LIPC: variants seen among roughly 807,000 people sequenced by gnomAD.
The protein encoded by LIPC is lipase C, hepatic type.
A neutral mutation model predicts 50.7 loss-of-function variants in LIPC; 44 were observed. The ratio of observed to expected loss-of-function variants is 0.87; its 90% CI spans 0.68 to 1.11. LIPC has a LOEUF of 1.11. LIPC is among the 50% of genes most tolerant of loss of function. The pLI is 0.00. For missense variants in LIPC, 697 were observed against 648.2 expected (o/e 1.08, Z -0.82); for synonymous variants, 271 against 256.4 (o/e 1.06, Z -0.54).
intron 1 of LIPC, among the ~76,000 whole-genome samples, chr15:58,492,849 C>T (rs1891631236): frequency 6.6e-6 from 1 of 152,314 alleles, no homozygotes; most frequent in South Asian, 2.1e-4. Flanking sequence ...ATTCACAGAG[C>T]CTTTTCCTCC....
At chr15:58,445,983 GT>G (rs1893681481) in intron 1 of LIPC, among the ~76,000 whole-genome samples, 1 of 152,198 alleles carries the variant, frequency 6.6e-6, no homozygotes, top group African/African-American at 2.4e-5. Flanking sequence ...ACAGAAAGAA[GT>G]TTAAAGGATA....
At chr15:58,514,365 T>A (rs1892423003) in intron 1 of LIPC, among the ~76,000 whole-genome samples, 2 of 152,192 alleles carry the variant, frequency 1.3e-5, no homozygotes, top group African/African-American at 4.8e-5. Flanking sequence ...GTAGTAGAAG[T>A]AGTAGTAGTA....
chr15:58,558,799 T>C (rs930357383), intron 6 of LIPC, among the ~76,000 whole-genome samples: 1 of 152,208 alleles, frequency 6.6e-6, no homozygotes, highest in Non-Finnish European at 1.5e-5. Flanking sequence ...AGGCACCAGA[T>C]ACTACCTGAG....
chr15:58,441,502 A>G (rs1893507322), intron 1 of LIPC, among the ~76,000 whole-genome samples: 1 of 152,222 alleles, frequency 6.6e-6, no homozygotes, highest in Non-Finnish European at 1.5e-5. Context: ...AGGAATTCTT[A>G]TTCCCATTTT....
chr15:58,533,631 T>G (rs528482856), intron 1 of LIPC, among the ~76,000 whole-genome samples: 33 of 152,288 alleles, frequency 2.2e-4, no homozygotes, highest in African/African-American at 7.7e-4. Context: ...TTTTGAAGAA[T>G]TTTTGATGCT....
intron 1 of LIPC, among the ~76,000 whole-genome samples, chr15:58,438,195 C>CG (rs1220956486): frequency 1.8e-4 from 27 of 152,256 alleles, no homozygotes; most frequent in African/African-American, 6.0e-4. Context: ...CACAGTGCTG[C>CG]GGGCATGCTG....
intron 1 of LIPC, among the ~76,000 whole-genome samples, chr15:58,492,577 C>G (rs1377071420): frequency 6.6e-6 from 1 of 152,216 alleles, no homozygotes; most frequent in African/African-American, 2.4e-5. Flanking sequence ...CACAAGAGCC[C>G]AAGTTCCCAC....
intron 6 of LIPC, among the ~76,000 whole-genome samples, chr15:58,557,164 G>C (rs1442442485): frequency 6.6e-6 from 1 of 152,114 alleles, no homozygotes; most frequent in East Asian, 1.9e-4. Context: ...GTCAGGTTGT[G>C]TGAGCCGACG....
intron 6 of LIPC, among the ~76,000 whole-genome samples, chr15:58,550,528 G>A (rs1466730260): frequency 4.6e-5 from 7 of 152,130 alleles, no homozygotes; most frequent in Non-Finnish European, 1.0e-4. Context: ...AATTGCATTA[G>A]GGCATCATTA....
At chr15:58,528,329 C>T (rs183952582) in intron 1 of LIPC, among the ~76,000 whole-genome samples, 8 of 152,170 alleles carry the variant, frequency 5.3e-5, no homozygotes, top group South Asian at 4.2e-4. Context: ...TGATTAAATC[C>T]GGCCTAAAAA....
chr15:58,487,967 A>T (rs111694439), intron 1 of LIPC, among the ~76,000 whole-genome samples: 79 of 152,302 alleles, frequency 5.2e-4, no homozygotes, highest in African/African-American at 1.9e-3. Context: ...TCTGAGCTTC[A>T]GTTTCTTCAT....
chr15:58,468,729 CAGATCTAA>C (rs1329189945), intron 1 of LIPC, among the ~76,000 whole-genome samples: 1 of 152,212 alleles, frequency 6.6e-6, no homozygotes, highest in African/African-American at 2.4e-5. Flanking sequence ...CAGACCAGTT[CAGATCTAA>C]AGACAGCCTG....
intron 1 of LIPC, chr15:58,494,994 C>A: frequency 4.9e-6 from 2 of 409,014 alleles, no homozygotes; most frequent in East Asian, 7.1e-5. Context: ...AACCGTTCCA[C>A]CGGTCCTTCC....
chr15:58,511,169 A>G (rs1383671227), intron 1 of LIPC, among the ~76,000 whole-genome samples: 6 of 152,210 alleles, frequency 3.9e-5, no homozygotes, highest in African/African-American at 1.4e-4. Flanking sequence ...ATGGTACAAA[A>G]TACGAATTAA....
At chr15:58,474,677 G>A (rs566689853) in intron 1 of LIPC, among the ~76,000 whole-genome samples, 173 of 152,278 alleles carry the variant, frequency 1.1e-3, no homozygotes, top group Middle Eastern at 3.4e-3. Context: ...GCATCCCTGC[G>A]TGGAGGTACG....
At chr15:58,513,027 T>C (rs1410400243) in intron 1 of LIPC, among the ~76,000 whole-genome samples, 8 of 150,704 alleles carry the variant, frequency 5.3e-5, no homozygotes, top group Admixed American at 1.3e-4. Flanking sequence ...AGCAAAAACC[T>C]CCTTCAAACT....
chr15:58,529,451 G>A (rs1892894814), intron 1 of LIPC, among the ~76,000 whole-genome samples: 1 of 152,202 alleles, frequency 6.6e-6, no homozygotes, highest in Non-Finnish European at 1.5e-5. Flanking sequence ...GAAGGTCATG[G>A]GACTCTGTTT....
intron 1 of LIPC, among the ~76,000 whole-genome samples, chr15:58,538,051 A>G (rs1471811041): frequency 6.6e-6 from 1 of 152,116 alleles, no homozygotes; most frequent in African/African-American, 2.4e-5. Context: ...CCTTGCCTAT[A>G]TTCCTTATGA....
At chr15:58,507,311 G>C (rs992746100) in intron 1 of LIPC, among the ~76,000 whole-genome samples, 1 of 151,836 alleles carries the variant, frequency 6.6e-6, no homozygotes, top group Non-Finnish European at 1.5e-5. Flanking sequence ...AAGAAGGAAG[G>C]AAGAAAAAAA....
Sources: gnomAD v4.1 joint callset for allele counts (sites outside exome capture counted in the v4.1 genomes callset) on GRCh38, gnomAD v4.1.1 for gene constraint, MANE v1.5 for transcripts, NCBI Gene and HGNC (gene_info 2026-07-23, HGNC 2026-07-21) for gene names.